SLC4A4: variants seen among roughly 807,000 people sequenced by gnomAD.
SLC4A4 encodes the protein electrogenic sodium bicarbonate cotransporter 1.
Under a neutral mutation model 111.5 loss-of-function variants are expected in SLC4A4, and 27 were observed. The observed-to-expected ratio is 0.24, with a 90% CI of 0.18 to 0.33. The LOEUF is 0.33. Ranked by LOEUF, SLC4A4 falls within the 10% of genes least tolerant of loss-of-function variation. SLC4A4 has a pLI of 1.00. For missense variants in SLC4A4, 909 were observed against 1,315.5 expected (o/e 0.69, Z 4.78); for synonymous variants, 443 against 463.4 (o/e 0.96, Z 0.57).
At position 71,103,421 on chromosome 4, in the gene SLC4A4, C is replaced by G. The variant is rs1311788958; in HGVS notation, c.-2+10629C>G. On this transcript the variant is annotated intron_variant, in intron 2 of 26. Transcript: ENST00000649996. ...GAACTCAGCTCTGCACCAAGCAGAC[C>G]TAATAGACATCTACAGAACTCTCCA... is the stretch of plus-strand genomic sequence containing the variant. 2.0e-5 allele frequency among the ~76,000 whole-genome samples: 3 copies of G among 152,250 alleles called. No individual in the cohort carries two copies. The East Asian group carries it at 5.8e-4, about 29-fold the overall frequency.
At chr4:71,168,255 C>T (rs193237602) in intron 2 of SLC4A4, among the ~76,000 whole-genome samples, 241 of 137,326 alleles carry the variant, frequency 1.8e-3, no homozygotes, top group African/African-American at 6.3e-3. Context: ...AATCTCGGTT[C>T]ACCGTAACCT....
chr4:71,112,388 C>A (rs923694236), intron 2 of SLC4A4, among the ~76,000 whole-genome samples: 1 of 152,088 alleles, frequency 6.6e-6, no homozygotes, highest in African/African-American at 2.4e-5. Context: ...TAAATATAGT[C>A]GGGTTAATTA....
chr4:71,338,408 C>T (rs1304043928), intron 3 of SLC4A4, among the ~76,000 whole-genome samples: 1 of 152,136 alleles, frequency 6.6e-6, no homozygotes, highest in Non-Finnish European at 1.5e-5. Context: ...ACTGCATTCA[C>T]ATGTATATAA....
At chr4:71,290,812 G>A (rs1044992073) in intron 3 of SLC4A4, among the ~76,000 whole-genome samples, 1 of 152,166 alleles carries the variant, frequency 6.6e-6, no homozygotes, top group Non-Finnish European at 1.5e-5. Flanking sequence ...CAAGATCCTA[G>A]TGGCTCTGGG....
chr4:71,479,446 G>A (rs1728673070), intron 14 of SLC4A4, among the ~76,000 whole-genome samples: 1 of 151,642 alleles, frequency 6.6e-6, no homozygotes, highest in East Asian at 1.9e-4. Context: ...GCAACAATAT[G>A]TTATAGCCAT....
intron 2 of SLC4A4, among the ~76,000 whole-genome samples, chr4:71,121,212 T>A (rs1264560496): frequency 6.7e-6 from 1 of 148,792 alleles, no homozygotes; most frequent in Non-Finnish European, 1.5e-5. Context: ...CTCCCCCGCT[T>A]CCCTCCCCCC....
At chr4:71,550,486 A>G (rs1260552362) in intron 20 of SLC4A4, among the ~76,000 whole-genome samples, 1 of 151,874 alleles carries the variant, frequency 6.6e-6, no homozygotes, top group East Asian at 1.9e-4. Flanking sequence ...TTAACAATTA[A>G]CCTTAGAATT....
chr4:71,270,309 C>T (rs974490773), intron 3 of SLC4A4, among the ~76,000 whole-genome samples: 6 of 152,192 alleles, frequency 3.9e-5, no homozygotes, highest in Middle Eastern at 6.8e-3. Flanking sequence ...AGGCTGGTCT[C>T]GAACTCCTGA....
At chr4:71,385,080 TC>T (rs1363307350) in intron 6 of SLC4A4, among the ~76,000 whole-genome samples, 2 of 149,510 alleles carry the variant, frequency 1.3e-5, no homozygotes, top group African/African-American at 4.9e-5. Flanking sequence ...AATGTTAGCA[TC>T]CCTACTCTTT....
At chr4:71,080,668 G>A (rs767906475) in intron 1 of SLC4A4, among the ~76,000 whole-genome samples, 3 of 151,924 alleles carry the variant, frequency 2.0e-5, no homozygotes, top group Admixed American at 6.6e-5. Context: ...TAATGGGCTC[G>A]TTAGTGTTCT....
chr4:71,220,775 G>T (rs2045011), intron 1 of SLC4A4, among the ~76,000 whole-genome samples: 102,776 of 151,888 alleles, frequency 0.68, 39,185 homozygotes, highest in Non-Finnish European at 0.86. Flanking sequence ...ATAGGTAAAC[G>T]CATGTCATGG....
chr4:71,382,590 A>T (rs905735793), intron 6 of SLC4A4, among the ~76,000 whole-genome samples: 2 of 152,338 alleles, frequency 1.3e-5, no homozygotes, highest in African/African-American at 4.8e-5. Flanking sequence ...AGCTTTATTA[A>T]AATGAAATGG....
At chr4:71,437,687 C>T (rs528697879) in intron 7 of SLC4A4, 1 of 454,140 alleles carries the variant, frequency 2.2e-6, no homozygotes, top group East Asian at 5.8e-5. Context: ...GCCATGCCAA[C>T]TGATCCAGTT....
intron 2 of SLC4A4, among the ~76,000 whole-genome samples, chr4:71,121,124 C>T (rs913422798): frequency 2.6e-5 from 4 of 152,136 alleles, no homozygotes; most frequent in Admixed American, 1.3e-4. Context: ...GGCTGGCCCG[C>T]CGCACTCGAA....
chr4:71,413,716 C>T (rs914973753), intron 7 of SLC4A4, among the ~76,000 whole-genome samples: 1 of 152,080 alleles, frequency 6.6e-6, no homozygotes, highest in Non-Finnish European at 1.5e-5. Context: ...AGAAGTATAA[C>T]CTTGAACATG....
intron 1 of SLC4A4, among the ~76,000 whole-genome samples, chr4:71,090,210 A>G (rs1742344490): frequency 6.6e-6 from 1 of 152,142 alleles, no homozygotes; most frequent in Non-Finnish European, 1.5e-5. Context: ...GTGGGATATA[A>G]TCTCCTGGTG....
intron 6 of SLC4A4, among the ~76,000 whole-genome samples, chr4:71,390,641 G>A (rs1314529718): frequency 1.3e-5 from 2 of 152,010 alleles, no homozygotes; most frequent in African/African-American, 4.8e-5. Flanking sequence ...GAACATAACT[G>A]CCTTAAACCT....
chr4:71,267,278 A>G (rs892150155), intron 3 of SLC4A4, among the ~76,000 whole-genome samples: 17 of 152,262 alleles, frequency 1.1e-4, no homozygotes, highest in African/African-American at 4.1e-4. Flanking sequence ...GGTTCTGATC[A>G]AGGTAGGGAG....
At chr4:71,339,264 G>A in intron 3 of SLC4A4, 106 bp from the exon 4 acceptor site, 1 of 1,614,208 alleles carries the variant, frequency 6.2e-7, no homozygotes, top group South Asian at 1.1e-5. Context: ...CACTGAAAAT[G>A]TGGAAGGGAA....
Sources: allele counts gnomAD v4.1 joint callset (sites outside exome capture counted in the v4.1 genomes callset), GRCh38; gene constraint gnomAD v4.1.1; transcripts MANE v1.5; gene names NCBI Gene and HGNC (gene_info 2026-07-23, HGNC 2026-07-21).